Variants in ABLIM3 observed in about 807,000 individuals in gnomAD.
The protein encoded by ABLIM3 is actin-binding LIM protein 3.
ABLIM3 carries 61 observed loss-of-function variants against 109.5 expected under a neutral mutation model. The ratio of observed to expected loss-of-function variants is 0.56; its 90% CI spans 0.45 to 0.69. The LOEUF (loss-of-function observed/expected upper bound fraction) is 0.69. Ranked by LOEUF, ABLIM3 falls within the 30% of genes least tolerant of loss-of-function variation. The probability of loss-of-function intolerance (pLI) is 0.00; values close to 1 mark genes in which losing one functional copy is unlikely to be tolerated. For missense variants in ABLIM3, 796 were observed against 889.5 expected (o/e 0.89, Z 1.34); for synonymous variants, 300 against 324.8 (o/e 0.92, Z 0.82).
intron 2 of ABLIM3, among the ~76,000 whole-genome samples, chr5:149,178,571 T>C (rs1287528374): frequency 6.6e-6 from 1 of 152,210 alleles, no homozygotes; most frequent in East Asian, 1.9e-4. Flanking sequence ...AGACACTCTA[T>C]TAAAATGTGG....
chr5:149,143,504 C>T (rs866549881), intron 2 of ABLIM3, among the ~76,000 whole-genome samples: 34 of 151,742 alleles, frequency 2.2e-4, no homozygotes, highest in African/African-American at 7.8e-4. Flanking sequence ...CCTACTATTT[C>T]CTCACACACC....
intron 2 of ABLIM3, among the ~76,000 whole-genome samples, chr5:149,160,798 G>A (rs1460956708): frequency 6.6e-6 from 1 of 152,206 alleles, no homozygotes; most frequent in East Asian, 1.9e-4. Flanking sequence ...GGGGTTCTGT[G>A]TGCACCTCCA....
At chr5:149,184,994 T>G (rs1184236480) in intron 3 of ABLIM3, among the ~76,000 whole-genome samples, 1 of 152,218 alleles carries the variant, frequency 6.6e-6, no homozygotes, top group Non-Finnish European at 1.5e-5. Flanking sequence ...CAAGAATATC[T>G]TGGTGAGTGA....
chr5:149,257,863 A>G (rs1211411986), intron 23 of ABLIM3, among the ~76,000 whole-genome samples: 2 of 152,354 alleles, frequency 1.3e-5, no homozygotes, highest in East Asian at 3.9e-4. Flanking sequence ...TTAAAACATC[A>G]GTAAGAGGAA....
chr5:149,248,019 C>T, intron 18 of ABLIM3, 90 bp downstream of exon 18: 7 of 1,483,280 alleles, frequency 4.7e-6, no homozygotes, highest in Non-Finnish European at 6.3e-6. Flanking sequence ...AGCCAGGCTC[C>T]CTTGAGGCAC....
At chr5:149,208,035 G>T (rs1759171400) in intron 6 of ABLIM3, among the ~76,000 whole-genome samples, 1 of 152,250 alleles carries the variant, frequency 6.6e-6, no homozygotes, top group South Asian at 2.1e-4. Context: ...CAAGCACACA[G>T]AGCTGCAGCA....
Position 149,240,788 on chromosome 5 carries a change from G to A in ABLIM3, c.1303+14G>A. The A allele has an allele frequency of 6.2e-7, 1 of 1,611,412 alleles. No homozygotes were observed. The highest frequency in any genetic ancestry group is 8.5e-7 in the Non-Finnish European group (1 of 1,177,800). On this transcript the variant is annotated intron_variant, in intron 14 of 23. Coordinates refer to ENST00000309868, the MANE Select transcript of ABLIM3 (RefSeq NM_014945.5). Reference sequence around the variant, plus strand: ...TTCACATCCCAGGTAGGCACTGCCAGCCCAGAATTCCTGGGATGGATGCAT... The same window carrying A: ...TTCACATCCCAGGTAGGCACTGCCAACCCAGAATTCCTGGGATGGATGCAT...
chr5:149,196,864 G>T (rs7733875), intron 3 of ABLIM3, among the ~76,000 whole-genome samples: 101,515 of 152,050 alleles, frequency 0.67, 34,085 homozygotes, highest in African/African-American at 0.72. Flanking sequence ...TCCTTCAGTG[G>T]GGGTGGATCT....
intron 15 of ABLIM3, 111 bp downstream of exon 15, chr5:149,242,649 TC>T (rs1439914458): frequency 6.2e-6 from 7 of 1,131,654 alleles, no homozygotes; most frequent in Non-Finnish European, 9.4e-6. Context: ...CAAGGCTGCA[TC>T]TTGGTCCTTC....
chr5:149,141,990 C>A lies in ABLIM3; in HGVS notation c.-87-19C>A. The A allele has an allele frequency of 6.6e-7, 1 of 1,519,680 alleles. No homozygotes were observed. The highest frequency in any genetic ancestry group is 9.1e-7 in the Non-Finnish European group (1 of 1,094,584). 94.1% of individuals were successfully genotyped at this position (1,519,680 alleles called of 1,614,324 possible). A position where few individuals can be genotyped will look rare whatever the true frequency, so the allele number is the denominator to read the frequency against. Reference sequence around the variant, plus strand: ...CTGAGGATACAGAGCTGGCACTGGACTGCCTTTTCACCCCCCAGGTGATGA... The same window carrying A: ...CTGAGGATACAGAGCTGGCACTGGAATGCCTTTTCACCCCCCAGGTGATGA... On this transcript the variant is annotated intron_variant, in intron 1 of 23. Coordinates refer to ENST00000309868, the MANE Select transcript of ABLIM3 (RefSeq NM_014945.5).
At chr5:149,163,409 G>A (rs1034965620) in intron 2 of ABLIM3, among the ~76,000 whole-genome samples, 1 of 52,060 alleles carries the variant, frequency 1.9e-5, no homozygotes. Context: ...ATCTTAGTTA[G>A]CTAGAGCTGC....
chr5:149,207,542 T>C (rs928702228), intron 6 of ABLIM3, among the ~76,000 whole-genome samples: 4 of 152,252 alleles, frequency 2.6e-5, no homozygotes, highest in Non-Finnish European at 5.9e-5. Flanking sequence ...CTACCATTTA[T>C]TGAGCTTTAA....
chr5:149,200,139 G>A (rs1758357212), intron 4 of ABLIM3, among the ~76,000 whole-genome samples, 177 bp from the exon 5 acceptor site: 2 of 152,200 alleles, frequency 1.3e-5, no homozygotes, highest in Admixed American at 6.5e-5. Context: ...AGTTCTTGCT[G>A]CCAGGCCCCT....
intron 3 of ABLIM3, among the ~76,000 whole-genome samples, chr5:149,185,548 G>A (rs77174449): frequency 0.05 from 7,584 of 152,118 alleles, 578 homozygotes; most frequent in African/African-American, 0.17. Context: ...AATACAGAAC[G>A]GAATAATTTG....
In ABLIM3 at chr5:149,247,897, A is replaced by T. The variant is rs1373461823; in HGVS notation, c.1667A>T (p.His556Leu). ...TCCACCAGCAGCCGGGAAGCCCTGCACACAGCTGGCTATGAGATGTCCCTC... is the reference window on the plus strand; with the variant it reads ...TCCACCAGCAGCCGGGAAGCCCTGCTCACAGCTGGCTATGAGATGTCCCTC... Reference protein sequence around the residue: ...RSSTSSREALHTAGYEMSLNG... With the variant: ...RSSTSSREALLTAGYEMSLNG... Residue 556 changes from histidine (H) to leucine (L), a missense_variant, in exon 18 of 24, where the codon CAC (histidine) becomes CTC (leucine). Coordinates refer to ENST00000309868, the MANE Select transcript of ABLIM3 (RefSeq NM_014945.5). 1 of 1,614,228 alleles carries T rather than the reference A, an allele frequency of 6.2e-7. No individual in the cohort carries two copies. Among genetic ancestry groups the T allele is most frequent in the Non-Finnish European group, 8.5e-7 (1 of 1,180,040 alleles).
intron 2 of ABLIM3, among the ~76,000 whole-genome samples, chr5:149,149,533 A>T (rs1753237039): frequency 6.6e-6 from 1 of 152,182 alleles, no homozygotes; most frequent in Non-Finnish European, 1.5e-5. Flanking sequence ...TTAACCTGGC[A>T]TTGTATATGG....
At chr5:149,186,394 C>T (rs1336965957) in intron 3 of ABLIM3, among the ~76,000 whole-genome samples, 1 of 151,398 alleles carries the variant, frequency 6.6e-6, no homozygotes, top group Non-Finnish European at 1.5e-5. Context: ...AGCCTGGTGA[C>T]AAATTGAGAC....
intron 2 of ABLIM3, among the ~76,000 whole-genome samples, chr5:149,144,473 T>A (rs1435688528): frequency 2.0e-5 from 3 of 152,204 alleles, no homozygotes; most frequent in Admixed American, 2.0e-4. Flanking sequence ...AAGCTCCCCT[T>A]TGAGATGTGA....
intron 2 of ABLIM3, among the ~76,000 whole-genome samples, chr5:149,154,542 G>T (rs1483782066): frequency 6.6e-6 from 1 of 152,180 alleles, no homozygotes; most frequent in Non-Finnish European, 1.5e-5. Flanking sequence ...TCCAACTGCA[G>T]CCTGAGTGCA....
Sources: allele counts gnomAD v4.1 joint callset (sites outside exome capture counted in the v4.1 genomes callset), GRCh38; gene constraint gnomAD v4.1.1; transcripts MANE v1.5; gene names NCBI Gene and HGNC (gene_info 2026-07-23, HGNC 2026-07-21).